CDK5RAP2: variants seen among roughly 807,000 people sequenced by gnomAD.
CDK5RAP2 encodes CDK5 regulatory subunit-associated protein 2.
Under a neutral mutation model 232.9 loss-of-function variants are expected in CDK5RAP2, and 147 were observed. The observed-to-expected ratio is 0.63, with a 90% CI of 0.55 to 0.72. The LOEUF is 0.72. Ranked by LOEUF, CDK5RAP2 falls within the 30% of genes least tolerant of loss-of-function variation. CDK5RAP2 has a pLI of 0.00. For missense variants in CDK5RAP2, 2,195 were observed against 2,231.5 expected (o/e 0.98, Z 0.33); for synonymous variants, 833 against 833.7 (o/e 1.00, Z 0.01).
chr9:120,401,505 A>G (rs2033001970), intron 34 of CDK5RAP2, among the ~76,000 whole-genome samples: 1 of 150,558 alleles, frequency 6.6e-6, no homozygotes, highest in African/African-American at 2.4e-5. Flanking sequence ...CTGGCTACTC[A>G]GGAAGCTGGG....
At chr9:120,510,513 G>C (rs945666378) in intron 12 of CDK5RAP2, among the ~76,000 whole-genome samples, 1 of 152,134 alleles carries the variant, frequency 6.6e-6, no homozygotes, top group African/African-American at 2.4e-5. Flanking sequence ...ACCAGAGAGA[G>C]TGCACCTAAA....
chr9:120,455,455 T>C (rs989058332), intron 20 of CDK5RAP2, among the ~76,000 whole-genome samples: 27 of 150,634 alleles, frequency 1.8e-4, no homozygotes, highest in Admixed American at 1.3e-3. Flanking sequence ...GAAAGGTGAC[T>C]CCAGGCCAGG....
intron 36 of CDK5RAP2, among the ~76,000 whole-genome samples, chr9:120,393,056 G>C (rs1263755407): frequency 6.6e-6 from 1 of 152,292 alleles, no homozygotes; most frequent in African/African-American, 2.4e-5. Context: ...ATGTCCCTGA[G>C]CACTCAGTTC....
intron 12 of CDK5RAP2, among the ~76,000 whole-genome samples, chr9:120,497,421 T>TAAAAAAAAAAAAACAAAAAAAA (rs2039347238): frequency 4.3e-5 from 1 of 23,314 alleles, no homozygotes; most frequent in Non-Finnish European, 5.5e-5. Context: ...AAAATAAATT[T>TAAAAAAAAAAAAACAAAAAAAA]AAAAAAAAAA....
In CDK5RAP2 at chr9:120,545,527, T is replaced by C. The variant is rs566816060; in HGVS notation, c.383+187A>G. Among the ~76,000 whole-genome samples the C allele has an allele frequency of 9.1e-4, 138 of 152,338 alleles. No homozygotes were observed. Among genetic ancestry groups the C allele is most frequent in the Admixed American group, 5.8e-3 (89 of 15,302 alleles). On this transcript the variant is annotated intron_variant, in intron 5 of 37. Coordinates refer to ENST00000349780, the MANE Select transcript of CDK5RAP2 (RefSeq NM_018249.6). The stretch of plus-strand genomic sequence containing the variant: ...ACGCTGTACACTTAAGATCTGTTCA[T>C]TTTTCTATAAGCATGGTATATCTTA...
chr9:120,422,692 C>G lies in CDK5RAP2; in HGVS notation c.4004+1G>C. 6.2e-7 allele frequency: 1 copy of G among 1,609,882 alleles called. No individual in the cohort carries two copies. The highest frequency in any genetic ancestry group is 8.5e-7 in the Non-Finnish European group (1 of 1,176,144). ...CTTCTTAACAAATGTTACACACTCA[C>G]CTCTCCATCAGTTCATTCTGGGTGT... On this transcript the variant is annotated splice_donor_variant, in intron 26 of 37. Transcript: ENST00000349780. LOFTEE classifies it high-confidence loss of function.
intron 3 of CDK5RAP2, among the ~76,000 whole-genome samples, chr9:120,553,982 T>C (rs185671933): frequency 6.6e-6 from 1 of 152,280 alleles, no homozygotes; most frequent in East Asian, 1.9e-4. Flanking sequence ...TTAATATGAA[T>C]TATTAAAAGT....
chr9:120,545,969 T>A (rs1218356118), intron 4 of CDK5RAP2, among the ~76,000 whole-genome samples, 179 bp from the exon 5 acceptor site: 1 of 152,222 alleles, frequency 6.6e-6, no homozygotes, highest in Non-Finnish European at 1.5e-5. Flanking sequence ...TATTAAACAC[T>A]GGTGGTCTCA....
At chr9:120,486,579 C>T (rs941644356) in intron 14 of CDK5RAP2, among the ~76,000 whole-genome samples, 1 of 152,130 alleles carries the variant, frequency 6.6e-6, no homozygotes, top group Non-Finnish European at 1.5e-5. Flanking sequence ...CCAGAAGTGC[C>T]TGCCCATGGT....
intron 11 of CDK5RAP2, among the ~76,000 whole-genome samples, chr9:120,520,758 ATG>A (rs2040591571): frequency 8.4e-6 from 1 of 119,450 alleles, no homozygotes; most frequent in Non-Finnish European, 1.8e-5. Flanking sequence ...CTCATATCTC[ATG>A]AGATATATCT....
intron 23 of CDK5RAP2, among the ~76,000 whole-genome samples, chr9:120,440,939 A>T (rs541362933): frequency 6.6e-6 from 1 of 152,302 alleles, no homozygotes; most frequent in Admixed American, 6.5e-5. Context: ...CACTCACAAC[A>T]CTGCCAGGAA....
chr9:120,481,517 C>CTT (rs1317098813), intron 14 of CDK5RAP2, among the ~76,000 whole-genome samples: 22 of 111,078 alleles, frequency 2.0e-4, no homozygotes, highest in East Asian at 5.3e-4. Context: ...TTTTTTTTTT[C>CTT]TTTTTTTTTT....
At chr9:120,546,802 CGTTT>C (rs780886302) in intron 4 of CDK5RAP2, among the ~76,000 whole-genome samples, 9 of 151,804 alleles carry the variant, frequency 5.9e-5, no homozygotes, top group East Asian at 5.8e-4. Context: ...CCCGTCTTTT[CGTTT>C]GTTTGTTTGT....
chr9:120,496,330 T>G (rs1224681447), intron 12 of CDK5RAP2, among the ~76,000 whole-genome samples: 1 of 95,930 alleles, frequency 1.0e-5, no homozygotes, highest in Non-Finnish European at 2.3e-5. Context: ...GGGAGGGAGG[T>G]GGGGGGGTCA....
intron 11 of CDK5RAP2, among the ~76,000 whole-genome samples, chr9:120,521,993 C>T (rs949967625): frequency 1.3e-5 from 2 of 152,238 alleles, no homozygotes; most frequent in Admixed American, 6.5e-5. Flanking sequence ...TCTTTATTAG[C>T]AGCATGAGAA....
In CDK5RAP2 at chr9:120,438,122, T is replaced by C. The variant is rs146477775; in HGVS notation, c.3723-595A>G. Among the ~76,000 whole-genome samples, 825 of 152,318 alleles carry C rather than the reference T, an allele frequency of 5.4e-3. 9 individuals carry two copies. The highest frequency in any genetic ancestry group is 0.018 in the African/African-American group (755 of 41,558). On this transcript the variant is annotated intron_variant, in intron 24 of 37. Transcript: ENST00000349780. ...TGCAAAGCTAATTAAGTGGTAAAGA[T>C]TTTGGATTCAAACACAATTCTCACT...
chr9:120,391,616 G>C (rs2131192533), intron 36 of CDK5RAP2, among the ~76,000 whole-genome samples: 1 of 152,342 alleles, frequency 6.6e-6, no homozygotes, highest in South Asian at 2.1e-4. Flanking sequence ...CTGGTTCCAG[G>C]TCACATGGCC....
At chr9:120,519,252 A>G (rs560212580) in intron 11 of CDK5RAP2, among the ~76,000 whole-genome samples, 3 of 152,222 alleles carry the variant, frequency 2.0e-5, no homozygotes, top group Admixed American at 2.0e-4. Flanking sequence ...GGGTGGGACT[A>G]TAGTTACTTT....
intron 25 of CDK5RAP2, among the ~76,000 whole-genome samples, chr9:120,435,050 G>A (rs10984913): frequency 0.18 from 26,752 of 152,090 alleles, 3,184 homozygotes; most frequent in African/African-American, 0.32. Context: ...AAATAGGGTA[G>A]AAAACTCTAA....
Sources: gnomAD v4.1 joint callset for allele counts (sites outside exome capture counted in the v4.1 genomes callset) on GRCh38, gnomAD v4.1.1 for gene constraint, MANE v1.5 for transcripts, NCBI Gene and HGNC (gene_info 2026-07-23, HGNC 2026-07-21) for gene names.